VOPP1: variants seen among roughly 807,000 people sequenced by gnomAD.
VOPP1 encodes the protein VOPP1 WW domain binding protein, also known as WW domain binding protein VOPP1.
Under a neutral mutation model 23.5 loss-of-function variants are expected in VOPP1, and 8 were observed. The observed-to-expected ratio is 0.34, with a 90% CI of 0.20 to 0.61. The LOEUF (loss-of-function observed/expected upper bound fraction) is 0.61, where lower values mean the gene tolerates loss of function less well. VOPP1 is among the 20% of genes least tolerant of loss of function. The pLI, the probability that VOPP1 is intolerant of heterozygous loss-of-function variation, is 0.78. For missense variants in VOPP1, 174 were observed against 238.1 expected (o/e 0.73, Z 1.77); for synonymous variants, 83 against 97.3 (o/e 0.85, Z 0.86).
At chr7:55,438,637 G>A (rs1318089223) in intron 4 of VOPP1, among the ~76,000 whole-genome samples, 1 of 152,234 alleles carries the variant, frequency 6.6e-6, no homozygotes, top group Admixed American at 6.5e-5. Context: ...ACTCGCTGCA[G>A]AATCGCAGGC....
At chr7:55,490,670 T>C (rs1793501927) in intron 4 of VOPP1, among the ~76,000 whole-genome samples, 1 of 152,210 alleles carries the variant, frequency 6.6e-6, no homozygotes, top group African/African-American at 2.4e-5. Context: ...GTGGCGGCTT[T>C]CATCTCTCAT....
At chr7:55,436,696 G>A (rs1372378824) in intron 4 of VOPP1, among the ~76,000 whole-genome samples, 2 of 152,046 alleles carry the variant, frequency 1.3e-5, no homozygotes, top group Admixed American at 6.6e-5. Context: ...ATGTGCATGC[G>A]TGTGTGTGCA....
intron 3 of VOPP1, among the ~76,000 whole-genome samples, chr7:55,495,043 TC>T (rs1793856034): frequency 1.3e-5 from 2 of 151,970 alleles, no homozygotes; most frequent in African/African-American, 4.8e-5. Flanking sequence ...TTTTGATTCC[TC>T]CCCCCGACCC....
chr7:55,437,902 T>TG (rs979601333), intron 4 of VOPP1, among the ~76,000 whole-genome samples: 7 of 151,824 alleles, frequency 4.6e-5, no homozygotes, highest in Admixed American at 4.6e-4. Context: ...TTTGTATTTT[T>TG]TTTTTTTTGG....
chr7:55,441,084 A>G (rs757539313), intron 4 of VOPP1, among the ~76,000 whole-genome samples: 6 of 152,240 alleles, frequency 3.9e-5, no homozygotes, highest in African/African-American at 7.2e-5. Flanking sequence ...GGAAAAGTTC[A>G]CAAATTGGGA....
chr7:55,539,537 G>C (rs987301139), intron 1 of VOPP1: 3 of 152,100 alleles, frequency 2.0e-5, no homozygotes, highest in African/African-American at 7.2e-5. Flanking sequence ...TCTCCCCATT[G>C]CTCTCTCCCT....
At chr7:55,568,951 T>C (rs2129057807) in intron 1 of VOPP1, among the ~76,000 whole-genome samples, 2 of 152,280 alleles carry the variant, frequency 1.3e-5, no homozygotes, top group South Asian at 4.2e-4. Flanking sequence ...CATAGAACCT[T>C]AGCATTTTAT....
At chr7:55,480,455 T>G (rs1053757713) in intron 4 of VOPP1, among the ~76,000 whole-genome samples, 1 of 152,238 alleles carries the variant, frequency 6.6e-6, no homozygotes, top group Admixed American at 6.5e-5. Context: ...CTTTATTGAT[T>G]AGATTTATCA....
downstream of VOPP1, among the ~76,000 whole-genome samples, chr7:55,469,002 G>GT (rs990940483): frequency 4.3e-4 from 66 of 152,264 alleles, no homozygotes; most frequent in African/African-American, 1.6e-3. Context: ...AGGTACACTA[G>GT]TTTTTTCTTT....
chr7:55,537,477 C>A, intron 1 of VOPP1: 1 of 1,536,100 alleles, frequency 6.5e-7, no homozygotes, highest in East Asian at 2.4e-5. Flanking sequence ...TCACAGCAAA[C>A]TGAACCACCA....
chr7:55,490,335 G>C (rs977180060), intron 4 of VOPP1, among the ~76,000 whole-genome samples: 5 of 152,108 alleles, frequency 3.3e-5, no homozygotes, highest in African/African-American at 1.2e-4. Context: ...CAGATGGAGC[G>C]GGGTTAGGTG....
intron 1 of VOPP1, among the ~76,000 whole-genome samples, chr7:55,535,855 C>T (rs1796754149): frequency 6.6e-6 from 1 of 152,212 alleles, no homozygotes; most frequent in Non-Finnish European, 1.5e-5. Context: ...GGGCACTGTC[C>T]CTCTGTGCAG....
downstream of VOPP1, among the ~76,000 whole-genome samples, chr7:55,469,864 G>A (rs748550343): frequency 1.1e-4 from 16 of 152,250 alleles, no homozygotes; most frequent in Admixed American, 3.3e-4. Context: ...TTAGGGGAGG[G>A]ACCATGCTCT....
intron 4 of VOPP1, among the ~76,000 whole-genome samples, chr7:55,479,764 G>A (rs115872827): frequency 0.013 from 1,933 of 152,274 alleles, 50 homozygotes; most frequent in African/African-American, 0.044. Flanking sequence ...AACATCTCCC[G>A]TTCAAAAGGC....
At chr7:55,439,449 G>C (rs1790911263) in intron 4 of VOPP1, among the ~76,000 whole-genome samples, 1 of 152,280 alleles carries the variant, frequency 6.6e-6, no homozygotes, top group South Asian at 2.1e-4. Context: ...GAAAAGGTAG[G>C]ACAAAGAGAG....
At chr7:55,543,077 G>A (rs1173156848) in intron 1 of VOPP1, among the ~76,000 whole-genome samples, 6 of 151,868 alleles carry the variant, frequency 4.0e-5, no homozygotes, top group East Asian at 1.9e-4. Context: ...CACCACGCCC[G>A]GCTAATTTTT....
intron 1 of VOPP1, chr7:55,530,994 G>A (rs969055738): frequency 7.2e-5 from 11 of 152,150 alleles, no homozygotes; most frequent in African/African-American, 2.7e-4. Flanking sequence ...AAGCCCACCA[G>A]GGTGCAAACC....
At chr7:55,505,254 C>T (rs1047518699) in intron 2 of VOPP1, among the ~76,000 whole-genome samples, 6 of 152,234 alleles carry the variant, frequency 3.9e-5, no homozygotes, top group Admixed American at 2.6e-4. Context: ...AATCCACAGT[C>T]GGGTCAGGGA....
intron 4 of VOPP1, among the ~76,000 whole-genome samples, chr7:55,449,492 G>A (rs905579653): frequency 2.6e-5 from 4 of 152,340 alleles, no homozygotes; most frequent in African/African-American, 9.6e-5. Flanking sequence ...GCACTACGCC[G>A]GGGTGGGGGG....
Sources: allele counts gnomAD v4.1 joint callset (sites outside exome capture counted in the v4.1 genomes callset), GRCh38; gene constraint gnomAD v4.1.1; transcripts MANE v1.5; gene names NCBI Gene and HGNC (gene_info 2026-07-23, HGNC 2026-07-21).